ITK: variants seen among roughly 807,000 people sequenced by gnomAD.
The protein encoded by ITK is IL2 inducible T cell kinase.
ITK carries 45 observed loss-of-function variants against 87.6 expected under a neutral mutation model. That is an observed-to-expected ratio of 0.51 (90% confidence interval 0.40 to 0.66). The LOEUF is 0.66. Ranked by LOEUF, ITK falls within the 30% of genes least tolerant of loss-of-function variation. The probability of loss-of-function intolerance (pLI) is 0.00; values close to 1 mark genes in which losing one functional copy is unlikely to be tolerated. For missense variants in ITK, 605 were observed against 766.3 expected (o/e 0.79, Z 2.48); for synonymous variants, 303 against 273.6 (o/e 1.11, Z -1.06).
In ITK at chr5:157,250,620, G is replaced by A. The variant is rs544992639; in HGVS notation, c.1791+1613G>A. 4.3e-4 allele frequency among the ~76,000 whole-genome samples: 65 copies of A among 151,900 alleles called. 1 individual carries two copies. The highest frequency in any genetic ancestry group is 1.5e-3 in the South Asian group (7 of 4,810). ...CAACCTCTGCCTCCCAGTCTCAAGCGATCCTCCTACCTCAGCCTCCCAAGT... is the reference window on the plus strand; with the variant it reads ...CAACCTCTGCCTCCCAGTCTCAAGCAATCCTCCTACCTCAGCCTCCCAAGT... On this transcript the variant is annotated intron_variant, in intron 16 of 16. Coordinates refer to ENST00000422843, the MANE Select transcript of ITK (RefSeq NM_005546.4).
chr5:157,183,621 T>G (rs1050752843), intron 1 of ITK, among the ~76,000 whole-genome samples: 1 of 152,198 alleles, frequency 6.6e-6, no homozygotes, highest in Non-Finnish European at 1.5e-5. Flanking sequence ...ATGGGAGATA[T>G]TCAAGGATTC....
intron 6 of ITK, among the ~76,000 whole-genome samples, chr5:157,226,630 T>C (rs1338668917): frequency 6.6e-6 from 1 of 152,206 alleles, no homozygotes; most frequent in Non-Finnish European, 1.5e-5. Flanking sequence ...ATGATCATCC[T>C]GTATTTGGCA....
chr5:157,214,906 A>C lies in ITK; in HGVS notation c.454+587A>C, dbSNP rs575689219. On this transcript the variant is annotated intron_variant, in intron 4 of 16. Coordinates refer to ENST00000422843, the MANE Select transcript of ITK (RefSeq NM_005546.4). Reference sequence around the variant, plus strand: ...TTGCCCTTGACCTCCACAGTCTCAGAGAGGAGAAGGCCGCAGTCTAAATGC... The same window carrying C: ...TTGCCCTTGACCTCCACAGTCTCAGCGAGGAGAAGGCCGCAGTCTAAATGC... Among the ~76,000 whole-genome samples the C allele has an allele frequency of 2.0e-5, 3 of 152,234 alleles. No homozygotes were observed. The East Asian group carries it at 5.8e-4, about 29-fold the overall frequency.
chr5:157,253,029 G>A lies in ITK; in HGVS notation c.*351G>A. The A allele has an allele frequency of 2.6e-6, 1 of 377,512 alleles. No homozygotes were observed. Among genetic ancestry groups the A allele is most frequent in the Non-Finnish European group, 5.0e-6 (1 of 199,844 alleles). The allele number at this position is 377,512 out of a possible 1,614,324, so 23.4% of individuals were successfully genotyped here. On this transcript the variant is annotated 3_prime_UTR_variant, in exon 17 of 17. Transcript: ENST00000422843. ...GAGAGACATGAGTAAGACCCAGATT[G>A]CTATTTTTATTGTTATTTTTAACAT...
chr5:157,250,440 T>C (rs1018153300), intron 16 of ITK, among the ~76,000 whole-genome samples: 3 of 152,064 alleles, frequency 2.0e-5, no homozygotes, highest in African/African-American at 7.2e-5. Context: ...TATGGATATA[T>C]CATAGTTTAT....
chr5:157,252,497 G>A (rs1755160248), intron 16 of ITK, 110 bp from the exon 17 acceptor site: 2 of 798,078 alleles, frequency 2.5e-6, no homozygotes, highest in East Asian at 2.4e-5. Flanking sequence ...CAACATGGAA[G>A]CACATACAAA....
intron 11 of ITK, among the ~76,000 whole-genome samples, chr5:157,242,106 G>C (rs1275114617): frequency 6.6e-6 from 1 of 152,132 alleles, no homozygotes; most frequent in East Asian, 1.9e-4. Flanking sequence ...GCAGACTATT[G>C]CCAGAACTGC....
At chr5:157,246,142 C>G in intron 15 of ITK, 143 bp downstream of exon 15, 1 of 741,634 alleles carries the variant, frequency 1.3e-6, no homozygotes, top group Non-Finnish European at 2.5e-6. Flanking sequence ...GTAAGAAAGG[C>G]CCCGAAAACT....
In ITK at chr5:157,228,350, G is replaced by A; in HGVS notation, c.702G>A (p.Leu234=). 6.3e-7 allele frequency: 1 copy of A among 1,587,426 alleles called. No individual in the cohort carries two copies. The highest frequency in any genetic ancestry group is 1.3e-5 in the African/African-American group (1 of 74,494). ...SYLVEKSPNN[L]ETYEWYNKSI... The stretch of plus-strand genomic sequence containing the variant: ...TGGTGGAAAAATCTCCAAATAATCT[G>A]GAAACCTATGAGTAAGATATTTTAT... The change falls in exon 7 of 17, where the codon CTG becomes CTA. Residue 234 remains leucine, a synonymous_variant. Coordinates refer to ENST00000422843, the MANE Select transcript of ITK (RefSeq NM_005546.4).
chr5:157,232,219 A>T, intron 7 of ITK, 121 bp from the exon 8 acceptor site: 5 of 723,644 alleles, frequency 6.9e-6, no homozygotes, highest in South Asian at 1.6e-5. Flanking sequence ...TACACTTAAA[A>T]TTTTTTTAAA....
chr5:157,242,633 A>T (rs924423184), intron 11 of ITK, among the ~76,000 whole-genome samples: 7 of 151,890 alleles, frequency 4.6e-5, no homozygotes, highest in Admixed American at 4.6e-4. Flanking sequence ...ATTTTTAAAA[A>T]TTTTTTGTAG....
At chr5:157,247,187 C>T (rs1755036340) in intron 15 of ITK, among the ~76,000 whole-genome samples, 1 of 152,174 alleles carries the variant, frequency 6.6e-6, no homozygotes, top group South Asian at 2.1e-4. Flanking sequence ...TGTTAAAAAT[C>T]TTCTGCAGCA....
chr5:157,237,136 A>C (rs1252812263), intron 8 of ITK, among the ~76,000 whole-genome samples: 1 of 152,266 alleles, frequency 6.6e-6, no homozygotes, highest in Non-Finnish European at 1.5e-5. Context: ...AAGACATGGA[A>C]TCAACCTAGG....
intron 8 of ITK, among the ~76,000 whole-genome samples, chr5:157,233,396 G>A (rs1754698113): frequency 1.3e-5 from 2 of 152,218 alleles, no homozygotes; most frequent in African/African-American, 2.4e-5. Context: ...AAGATTCCAT[G>A]AAGAAAAAGA....
chr5:157,209,987 G>A (rs554760333), intron 2 of ITK, among the ~76,000 whole-genome samples: 33 of 151,070 alleles, frequency 2.2e-4, no homozygotes, highest in Admixed American at 5.3e-4. Context: ...GTGCAGTGGC[G>A]CAATCCCGGC....
chr5:157,214,259 T>C lies in ITK; in HGVS notation c.394T>C (p.Cys132Arg). ...TTTCTGGATGGATGGGAAGTGGAGG[T>C]GCTGTTCTCAGCTGGAGAAGCTTGC... ...PNFWMDGKWR[C>R]CSQLEKLATG... The change falls in exon 4 of 17, where the codon TGC becomes CGC. Residue 132 changes from cysteine to arginine, a missense_variant. Physicochemically the swap from Cys to Arg is radical, Grantham distance 180. Transcript: ENST00000422843. 6.2e-7 allele frequency: 1 copy of C among 1,610,254 alleles called. No homozygotes were observed. The highest frequency in any genetic ancestry group is 8.5e-7 in the Non-Finnish European group (1 of 1,176,474).
intron 5 of ITK, 56 bp from the exon 6 acceptor site, chr5:157,222,807 G>T: frequency 6.3e-7 from 1 of 1,582,860 alleles, no homozygotes; most frequent in Non-Finnish European, 8.7e-7. Flanking sequence ...GATGAAAGGA[G>T]GCATTTTACC....
rs759209198 is a variant in ITK at position 157,252,646 on chromosome 5, C to G, written c.1831C>G (p.Gln611Glu). 6.2e-7 allele frequency: 1 copy of G among 1,614,126 alleles called. No homozygotes were observed. Among genetic ancestry groups the G allele is most frequent in the Non-Finnish European group, 8.5e-7 (1 of 1,179,938 alleles). ...DRPAFSRLLR[Q>E]LAEIAESGL The stretch of plus-strand genomic sequence containing the variant: ...GCCAGCCTTCTCCAGACTGCTGCGT[C>G]AACTGGCTGAAATTGCAGAATCAGG... Residue 611 changes from glutamine (Q) to glutamate (E), a missense_variant, in exon 17 of 17, where the codon CAA becomes GAA. This residue lies in a region of ITK where 71 missense variants were observed against 65.8 expected (regional missense o/e 1.08). Transcript: ENST00000422843.
At chr5:157,231,216 A>G (rs1022402994) in intron 7 of ITK, among the ~76,000 whole-genome samples, 1 of 152,170 alleles carries the variant, frequency 6.6e-6, no homozygotes, top group Admixed American at 6.5e-5. Flanking sequence ...CCTTCTCCAT[A>G]AAATGAATGC....
Sources: allele counts gnomAD v4.1 joint callset (sites outside exome capture counted in the v4.1 genomes callset), GRCh38; gene constraint gnomAD v4.1.1; regional missense constraint gnomAD v4.1.1; transcripts MANE v1.5; gene names NCBI Gene and HGNC (gene_info 2026-07-23, HGNC 2026-07-21).